Variants in ASPH observed in about 807,000 individuals in gnomAD.
ASPH encodes the protein aspartyl/asparaginyl beta-hydroxylase.
Under a neutral mutation model 118.4 loss-of-function variants are expected in ASPH, and 100 were observed. That is an observed-to-expected ratio of 0.84 (90% CI 0.72 to 1.00). The LOEUF (loss-of-function observed/expected upper bound fraction) is 1.00, where lower values mean the gene tolerates loss of function less well. Ranked by LOEUF, ASPH falls within the 50% of genes least tolerant of loss-of-function variation. The pLI, the probability that ASPH is intolerant of heterozygous loss-of-function variation, is 0.00. For synonymous variants in ASPH, 315 were observed against 325.6 expected (o/e 0.97, Z 0.35); for missense variants, 920 against 919.5 (o/e 1.00, Z -0.01).
At chr8:61,667,036 T>C (rs1820007424) in intron 3 of ASPH, among the ~76,000 whole-genome samples, 1 of 146,670 alleles carries the variant, frequency 6.8e-6, no homozygotes, top group South Asian at 2.4e-4. Context: ...CCAGAAATTA[T>C]TCAGAAGAGA....
intron 1 of ASPH, among the ~76,000 whole-genome samples, chr8:61,688,643 A>T (rs1589220668): frequency 6.6e-6 from 1 of 152,300 alleles, no homozygotes; most frequent in East Asian, 1.9e-4. Flanking sequence ...AAGTTTTTTG[A>T]AAAACACAAA....
chr8:61,582,226 T>C (rs1837789533), intron 15 of ASPH, among the ~76,000 whole-genome samples: 1 of 152,162 alleles, frequency 6.6e-6, no homozygotes, highest in African/African-American at 2.4e-5. Flanking sequence ...TTGAGAAAAA[T>C]ATAACTTCTC....
At chr8:61,517,754 G>T in intron 23 of ASPH, 93 bp from the exon 24 acceptor site, 1 of 1,458,592 alleles carries the variant, frequency 6.9e-7, no homozygotes. Context: ...CTGTCAGTTT[G>T]GATTAGAGCC....
At chr8:61,666,571 A>G (rs1204079123) in intron 3 of ASPH, among the ~76,000 whole-genome samples, 1 of 152,226 alleles carries the variant, frequency 6.6e-6, no homozygotes, top group Admixed American at 6.5e-5. Flanking sequence ...AAACTTACAT[A>G]GCACAAATGG....
At chr8:61,529,094 A>C (rs1816592728) in intron 21 of ASPH, among the ~76,000 whole-genome samples, 1 of 152,004 alleles carries the variant, frequency 6.6e-6, no homozygotes, top group Admixed American at 6.6e-5. Context: ...TGATGAAATG[A>C]CTCCTTGTGT....
intron 3 of ASPH, among the ~76,000 whole-genome samples, chr8:61,680,202 T>A (rs1827361479): frequency 6.6e-6 from 1 of 151,838 alleles, no homozygotes; most frequent in South Asian, 2.1e-4. Context: ...TATAATATCA[T>A]GCCATATCCA....
At chr8:61,684,935 C>T (rs910904219) in intron 1 of ASPH, among the ~76,000 whole-genome samples, 1 of 151,304 alleles carries the variant, frequency 6.6e-6, no homozygotes, top group African/African-American at 2.4e-5. Context: ...TTCAAATTTC[C>T]CATAAAAAGG....
chr8:61,687,678 C>T (rs1038386130), intron 1 of ASPH: 5 of 152,146 alleles, frequency 3.3e-5, no homozygotes, highest in African/African-American at 1.2e-4. Context: ...CAGTACAAGA[C>T]AGTAACTGGT....
chr8:61,634,707 T>C lies in ASPH; in HGVS notation c.890-980A>G, dbSNP rs534698631. 3.1e-3 allele frequency among the ~76,000 whole-genome samples: 474 copies of C among 152,320 alleles called. 5 individuals are homozygous for C. The highest frequency in any genetic ancestry group is 2.5e-3 in the Non-Finnish European group (167 of 68,020). ...TTAATAGGTTTGCCTGTTTATTTTG[T>C]TCTTAATTATTTGGAGACATATTAA... On this transcript the variant is annotated intron_variant, in intron 12 of 24. Transcript: ENST00000379454.
chr8:61,683,486 A>C (rs1233827095), intron 2 of ASPH: 1 of 152,198 alleles, frequency 6.6e-6, no homozygotes, highest in Non-Finnish European at 1.5e-5. Flanking sequence ...CTTCCTCAGA[A>C]CAGCACACAG....
intron 13 of ASPH, among the ~76,000 whole-genome samples, chr8:61,621,949 T>G (rs1310968244): frequency 6.6e-6 from 1 of 152,220 alleles, no homozygotes; most frequent in African/African-American, 2.4e-5. Flanking sequence ...TTTAAATATT[T>G]TGTCAGAACA....
intron 12 of ASPH, among the ~76,000 whole-genome samples, chr8:61,636,572 C>G (rs546484282): frequency 2.6e-5 from 4 of 152,278 alleles, no homozygotes; most frequent in Admixed American, 2.6e-4. Flanking sequence ...AGGTGCATAG[C>G]CAGGTGCCTC....
chr8:61,579,519 G>A (rs945579572), intron 15 of ASPH: 107 of 1,561,532 alleles, frequency 6.9e-5, no homozygotes, highest in African/African-American at 1.6e-4. Context: ...CACAAGCCCC[G>A]GCCTCAGCTA....
chr8:61,556,103 A>G, intron 18 of ASPH, 81 bp from the exon 19 acceptor site: 1 of 1,209,094 alleles, frequency 8.3e-7, no homozygotes, highest in Non-Finnish European at 1.2e-6. Context: ...GACTGTCAAA[A>G]CCAGTTTTAA....
chr8:61,709,635 C>T (rs1204291148), intron 1 of ASPH, among the ~76,000 whole-genome samples: 1 of 152,144 alleles, frequency 6.6e-6, no homozygotes, highest in East Asian at 1.9e-4. Flanking sequence ...AAGAGAAGTT[C>T]ATTTGAAAAA....
intron 3 of ASPH, among the ~76,000 whole-genome samples, chr8:61,671,013 A>T (rs1177058204): frequency 6.6e-6 from 1 of 152,182 alleles, no homozygotes; most frequent in African/African-American, 2.4e-5. Context: ...GGCTCAGTAC[A>T]GGTAACTTTA....
chr8:61,532,860 A>G (rs1183921774), intron 21 of ASPH, among the ~76,000 whole-genome samples: 3 of 152,214 alleles, frequency 2.0e-5, no homozygotes, highest in Non-Finnish European at 4.4e-5. Context: ...CTTAGTTTAT[A>G]AAGCTTTTCT....
intron 14 of ASPH, among the ~76,000 whole-genome samples, chr8:61,610,572 G>T (rs1347740866): frequency 6.6e-6 from 1 of 152,210 alleles, no homozygotes; most frequent in Non-Finnish European, 1.5e-5. Context: ...TGAATGTAAT[G>T]ACTACAATAA....
At chr8:61,521,831 T>C (rs1586468230) in intron 22 of ASPH, among the ~76,000 whole-genome samples, 1 of 152,244 alleles carries the variant, frequency 6.6e-6, no homozygotes, top group African/African-American at 2.4e-5. Context: ...GGGCTATTCA[T>C]GGAACTGATA....
Sources: gnomAD v4.1 joint callset for allele counts (sites outside exome capture counted in the v4.1 genomes callset) on GRCh38, gnomAD v4.1.1 for gene constraint, MANE v1.5 for transcripts, NCBI Gene and HGNC (gene_info 2026-07-23, HGNC 2026-07-21) for gene names.